The following SMTNL2 variants were observed in gnomAD, a reference collection of about 807,000 sequenced individuals.
The protein encoded by SMTNL2 is smoothelin like 2.
Under a neutral mutation model 44.1 loss-of-function variants are expected in SMTNL2, and 43 were observed. That is an observed-to-expected ratio of 0.98 (90% CI 0.76 to 1.26). The LOEUF (loss-of-function observed/expected upper bound fraction) is 1.26, where lower values mean the gene tolerates loss of function less well. Ranked by LOEUF, SMTNL2 falls within the 50% of genes most tolerant of loss-of-function variation. The pLI is 0.00. For synonymous variants in SMTNL2, 317 were observed against 287.6 expected (o/e 1.10, Z -1.03); for missense variants, 646 against 670.2 (o/e 0.96, Z 0.40).
chr17:4,602,350 T>C (rs1424292090), intron 7 of SMTNL2, among the ~76,000 whole-genome samples: 1 of 140,260 alleles, frequency 7.1e-6, no homozygotes, highest in African/African-American at 2.7e-5. Context: ...GAGATGGAGT[T>C]TCGTTCTTGT....
intron 1 of SMTNL2, among the ~76,000 whole-genome samples, chr17:4,586,058 T>TG (rs1909336258): frequency 6.6e-6 from 1 of 152,112 alleles, no homozygotes; most frequent in South Asian, 2.1e-4. Flanking sequence ...GGCTTGCTGC[T>TG]ACTGGTGCAG....
rs2150528048 is a variant in SMTNL2 at position 4,607,737 on chromosome 17, G to C, written c.*250G>C. The C allele has an allele frequency of 1.1e-4, 45 of 420,534 alleles. No homozygotes were observed. Among genetic ancestry groups the C allele is most frequent in the East Asian group, 1.6e-4 (4 of 24,302 alleles). 26.1% of individuals were successfully genotyped at this position (420,534 alleles called of 1,614,324 possible). A position where few individuals can be genotyped will look rare whatever the true frequency, so the allele number is the denominator to read the frequency against. ...AAAAGGAAAAATTATGAGAGAGAGA[G>C]AGACATTGGTGCTAAGTAATGATCT... On this transcript the variant is annotated 3_prime_UTR_variant, in exon 8 of 8. Transcript: ENST00000389313. This position sits in a 1 kb window ranked among gnomAD's most constrained non-coding sequence, Gnocchi z 4.7.
At position 4,595,188 on chromosome 17, in the gene SMTNL2, C is replaced by G; in HGVS notation, c.850C>G (p.Pro284Ala). ...TPPQSPVSPQ[P>A]PAITQVHRQG... ...ACCCCAGTCGCCCGTGTCCCCGCAG[C>G]CGCCAGCCATAACTCAGGTCCATCG... The change falls in exon 5 of 8, where the codon CCG (proline) becomes GCG (alanine). Residue 284 changes from proline (P) to alanine (A), a missense_variant. Coordinates refer to ENST00000389313, the MANE Select transcript of SMTNL2 (RefSeq NM_001114974.2). This position sits in a 1 kb window ranked among gnomAD's most constrained non-coding sequence, Gnocchi z 5.1. 1 of 1,613,308 alleles carries G rather than the reference C, an allele frequency of 6.2e-7. No individual in the cohort carries two copies. Among genetic ancestry groups the G allele is most frequent in the Non-Finnish European group, 8.5e-7 (1 of 1,179,998 alleles).
At chr17:4,599,316 C>T (rs111669767) in intron 7 of SMTNL2, among the ~76,000 whole-genome samples, 110 of 152,264 alleles carry the variant, frequency 7.2e-4, no homozygotes, top group Non-Finnish European at 1.3e-3. Context: ...TGGATCCAGA[C>T]GATGGTGTGG....
intron 1 of SMTNL2, among the ~76,000 whole-genome samples, chr17:4,587,560 G>T (rs1474800036): frequency 6.6e-6 from 1 of 152,182 alleles, no homozygotes; most frequent in African/African-American, 2.4e-5. Flanking sequence ...ACACCAGGCT[G>T]CTGGGTGTCT....
intron 7 of SMTNL2, among the ~76,000 whole-genome samples, chr17:4,602,648 G>T (rs944029901): frequency 3.3e-5 from 5 of 151,932 alleles, no homozygotes; most frequent in Non-Finnish European, 5.9e-5. Context: ...AGTAGAGACG[G>T]GGTTTTGCCA....
At chr17:4,602,314 T>A (rs1910076419) in intron 7 of SMTNL2, among the ~76,000 whole-genome samples, 1 of 45,272 alleles carries the variant, frequency 2.2e-5, no homozygotes, top group Non-Finnish European at 5.7e-5. Context: ...GCAGGTGCTT[T>A]TTTTTTTTTT....
intron 7 of SMTNL2, among the ~76,000 whole-genome samples, chr17:4,597,539 G>A (rs1176866089): frequency 2.0e-5 from 3 of 152,198 alleles, no homozygotes; most frequent in South Asian, 4.1e-4. Context: ...CAGTGGTGGA[G>A]GGGGACTCCG....
At position 4,592,230 on chromosome 17, in the gene SMTNL2, C is replaced by T; in HGVS notation, c.400-131C>T. On this transcript the variant is annotated intron_variant, in intron 1 of 7. Coordinates refer to ENST00000389313, the MANE Select transcript of SMTNL2 (RefSeq NM_001114974.2). This position sits in a 1 kb window ranked among gnomAD's most constrained non-coding sequence, Gnocchi z 4.5. ...GTGTGACTTGGCCCGTCACTTTCTT[C>T]CTGGGGGCTGTTTTCTCTCAACATG... The T allele has an allele frequency of 1.2e-6, 1 of 847,162 alleles. No homozygotes were observed. Among genetic ancestry groups the T allele is most frequent in the South Asian group, 1.5e-5 (1 of 67,858 alleles). 52.5% of individuals were successfully genotyped at this position (847,162 alleles called of 1,614,324 possible).
rs1909841363 is a variant in SMTNL2, at chr17:4,596,920, C to T, written c.1050C>T (p.Ala350=). 6.6e-7 allele frequency: 1 copy of T among 1,526,320 alleles called. No individual in the cohort carries two copies. The highest frequency in any genetic ancestry group is 1.4e-5 in the African/African-American group (1 of 72,716). The allele number at this position is 1,526,320 out of a possible 1,614,324, so 94.5% of individuals were successfully genotyped here. Residue 350 remains alanine (A), a synonymous_variant, in exon 6 of 8, where the codon GCC becomes GCT. Coordinates refer to ENST00000389313, the MANE Select transcript of SMTNL2 (RefSeq NM_001114974.2). ...KRSQSFGVAS[A]SSIKQILLEW... is the part of the protein sequence containing the mutation. ...CGCAGAGCTTCGGCGTGGCCAGCGC[C>T]AGCAGCATCAAGCAGATCCTGCTCG...
chr17:4,601,337 C>A lies in SMTNL2; in HGVS notation c.1259+4014C>A, dbSNP rs142539087. ...GGCTGAAGTGGGAGGATCGTTTGAGCCCGGATGGCAGAGATTGCAGTGAAC... is the reference window on the plus strand; with the variant it reads ...GGCTGAAGTGGGAGGATCGTTTGAGACCGGATGGCAGAGATTGCAGTGAAC... On this transcript the variant is annotated intron_variant, in intron 7 of 7. Coordinates refer to ENST00000389313, the MANE Select transcript of SMTNL2 (RefSeq NM_001114974.2). Among the ~76,000 whole-genome samples, 423 of 152,110 alleles carry A rather than the reference C, an allele frequency of 2.8e-3. 2 individuals carry two copies. Among genetic ancestry groups the A allele is most frequent in the African/African-American group, 9.9e-3 (410 of 41,488 alleles).
At chr17:4,603,853 T>C (rs1222792760) in intron 7 of SMTNL2, among the ~76,000 whole-genome samples, 1 of 152,094 alleles carries the variant, frequency 6.6e-6, no homozygotes, top group Non-Finnish European at 1.5e-5. Context: ...CTTTCCTTTT[T>C]TTTCCCCTTG....
chr17:4,592,905 A>G lies in SMTNL2; in HGVS notation c.488-24A>G. 1 of 1,596,504 alleles carries G rather than the reference A, an allele frequency of 6.3e-7. No homozygotes were observed. Among genetic ancestry groups the G allele is most frequent in the Non-Finnish European group, 8.6e-7 (1 of 1,168,018 alleles). The stretch of plus-strand genomic sequence containing the variant: ...CTGTGGCTGCCACAGCTGACCACCC[A>G]CCCATGCTGGTCACATGTTCCAGGT... On this transcript the variant is annotated intron_variant, in intron 2 of 7. Coordinates refer to ENST00000389313, the MANE Select transcript of SMTNL2 (RefSeq NM_001114974.2). The surrounding 1 kb of genome is among the most constrained non-coding windows in gnomAD (Gnocchi z 4.5).
chr17:4,599,477 G>A (rs1014530960), intron 7 of SMTNL2, among the ~76,000 whole-genome samples: 6 of 152,210 alleles, frequency 3.9e-5, no homozygotes, highest in African/African-American at 1.2e-4. Flanking sequence ...CCACCCCAGC[G>A]GCAAGGTCAC....
chr17:4,590,346 G>A (rs1245209282), intron 1 of SMTNL2, among the ~76,000 whole-genome samples: 5 of 151,982 alleles, frequency 3.3e-5, no homozygotes, highest in Non-Finnish European at 5.9e-5. Context: ...TACGTCTCTG[G>A]CTGCTCCTCA....
At chr17:4,606,022 G>T (rs1042153274) in intron 7 of SMTNL2, among the ~76,000 whole-genome samples, 6 of 152,204 alleles carry the variant, frequency 3.9e-5, no homozygotes, top group Admixed American at 6.5e-5. Context: ...GTGTACACAC[G>T]AGTCTAAACC....
chr17:4,595,379 A>C lies in SMTNL2; in HGVS notation c.989+52A>C, dbSNP rs1423106869. ...CCGGCCCCACGGTGTGCCCAGACCC[A>C]GACGGGGCTTGGGTGGGTGCAGCAG... On this transcript the variant is annotated intron_variant, in intron 5 of 7. Transcript: ENST00000389313. This position sits in a 1 kb window ranked among gnomAD's most constrained non-coding sequence, Gnocchi z 5.1. 6.3e-7 allele frequency: 1 copy of C among 1,586,932 alleles called. No homozygotes were observed. The highest frequency in any genetic ancestry group is 8.6e-7 in the Non-Finnish European group (1 of 1,165,148).
At chr17:4,589,617 T>C (rs945247817) in intron 1 of SMTNL2, among the ~76,000 whole-genome samples, 2 of 152,176 alleles carry the variant, frequency 1.3e-5, no homozygotes, top group African/African-American at 4.8e-5. Flanking sequence ...CTCTGGGTCC[T>C]GTCTGCTGTG....
At position 4,605,153 on chromosome 17, in the gene SMTNL2, GTTTTTTT is replaced by G. The variant is rs753950451; in HGVS notation, c.1260-2188_1260-2182del. 3.6e-5 allele frequency among the ~76,000 whole-genome samples: 3 copies of G among 82,242 alleles called. No individual in the cohort carries two copies. The Middle Eastern group carries it at 0.021, about 571-fold the overall frequency. 54.0% of individuals were successfully genotyped at this position (82,242 alleles called of 152,430 possible). On this transcript the variant is annotated intron_variant, in intron 7 of 7. Transcript: ENST00000389313. ...GAATAATCTCTGACTTTTTTGTTTG[GTTTTTTT>G]TTTTTTTTTTTTTTTTTTTGAGGCA... is the stretch of plus-strand genomic sequence containing the variant.
Sources: gnomAD v4.1 joint callset for allele counts (sites outside exome capture counted in the v4.1 genomes callset) on GRCh38, gnomAD v4.1.1 for gene constraint, Gnocchi (gnomAD v3.1) non-coding constraint, MANE v1.5 for transcripts, NCBI Gene and HGNC (gene_info 2026-07-23, HGNC 2026-07-21) for gene names.